NT5C1B: variants seen among roughly 807,000 people sequenced by gnomAD.
The protein encoded by NT5C1B is 5'-nucleotidase, cytosolic IB.
Under a neutral mutation model 57.8 loss-of-function variants are expected in NT5C1B, and 44 were observed. That is an observed-to-expected ratio of 0.76 (90% CI 0.60 to 0.98). NT5C1B has a LOEUF of 0.98. NT5C1B is among the 50% of genes least tolerant of loss of function. The probability of loss-of-function intolerance (pLI) is 0.00; values close to 1 mark genes in which losing one functional copy is unlikely to be tolerated. For missense variants in NT5C1B, 742 were observed against 719.5 expected (o/e 1.03, Z -0.36); for synonymous variants, 284 against 282.6 (o/e 1.00, Z -0.05).
intron 3 of NT5C1B, 45 bp downstream of exon 3, chr2:18,586,206 ATTG>A: frequency 6.3e-7 from 1 of 1,597,104 alleles, no homozygotes; most frequent in African/African-American, 1.3e-5. Flanking sequence ...AATGTTAACC[ATTG>A]TTATTATTCT....
At chr2:18,577,945 C>G (rs985252569) in intron 6 of NT5C1B, among the ~76,000 whole-genome samples, 2 of 152,096 alleles carry the variant, frequency 1.3e-5, no homozygotes, top group African/African-American at 4.8e-5. Flanking sequence ...ACCAACCCCA[C>G]AGAAATAGTA....
chr2:18,589,052 T>C (rs182863520), intron 1 of NT5C1B, among the ~76,000 whole-genome samples: 1,547 of 152,332 alleles, frequency 0.01, 13 homozygotes, highest in Non-Finnish European at 0.017. Context: ...TTGTGTCTTT[T>C]GTACATACTT....
rs766559207 is a variant in NT5C1B, at chr2:18,587,530, G to T, written c.93C>A (p.Asp31Glu). Residue 31 changes from aspartate to glutamate, a missense_variant, in exon 2 of 9, where the codon GAC becomes GAA. Physicochemically the swap from Asp to Glu is conservative, Grantham distance 45 (BLOSUM62 2). Coordinates refer to ENST00000304081, the Ensembl canonical transcript of NT5C1B. The stretch of plus-strand genomic sequence containing the variant: ...GATTGCTCAGACGAACTCCTGTTTT[G>T]TCAGATTCCTTTCTTTTTTCTGCTT... The T allele has an allele frequency of 4.1e-5, 66 of 1,613,774 alleles. No homozygotes were observed. In the South Asian group the frequency reaches 7.1e-4, roughly 17 times the overall value.
intron 1 of NT5C1B, among the ~76,000 whole-genome samples, chr2:18,588,651 G>C (rs1342732359): frequency 2.0e-5 from 3 of 152,008 alleles, no homozygotes; most frequent in African/African-American, 7.3e-5. Context: ...CCTTGTTCCA[G>C]GTCTCTGACC....
chr2:18,576,195 G>A (rs1188549064), exon 8 of NT5C1B: 3 of 1,611,132 alleles, frequency 1.9e-6, no homozygotes, highest in Admixed American at 3.4e-5. Context: ...TGAGCAAGAG[G>A]CTTACTTTCA....
chr2:18,578,931 T>C (rs1300092362), intron 6 of NT5C1B, among the ~76,000 whole-genome samples: 1 of 152,146 alleles, frequency 6.6e-6, no homozygotes, highest in East Asian at 1.9e-4. Context: ...GCTCTGATAA[T>C]AACTTCAGCA....
chr2:18,584,816 G>C lies in NT5C1B; in HGVS notation c.421C>G (p.Pro141Ala). 1 of 1,612,828 alleles carries C rather than the reference G, an allele frequency of 6.2e-7. No homozygotes were observed. Residue 141 changes from proline to alanine, a missense_variant, in exon 4 of 9, where the codon CCT (proline) becomes GCT (alanine). Pro to Ala is a conservative substitution (Grantham distance 27). Coordinates refer to ENST00000304081, the Ensembl canonical transcript of NT5C1B. The surrounding 1 kb of genome is among the most constrained non-coding windows in gnomAD (Gnocchi z 5.8). ...ATTTTGGTGCTGCGCCGGGAGCCAG[G>C]ATCGGGCTCTGGGGGCGTGGGAGGC... is the stretch of plus-strand genomic sequence containing the variant.
At chr2:18,573,799 C>T (rs1366316293) in intron 8 of NT5C1B, among the ~76,000 whole-genome samples, 1 of 152,044 alleles carries the variant, frequency 6.6e-6, no homozygotes, top group African/African-American at 2.4e-5. Context: ...TATGGAAAAT[C>T]ATCTTTTTCA....
chr2:18,585,947 A>G (rs1030878326), intron 3 of NT5C1B, among the ~76,000 whole-genome samples: 2 of 152,028 alleles, frequency 1.3e-5, no homozygotes, highest in Non-Finnish European at 2.9e-5. Flanking sequence ...TCTGAGAATC[A>G]CAGTTAATTA....
At chr2:18,563,962 C>A (rs200342649) in exon 9 of NT5C1B, 2 of 1,614,208 alleles carry the variant, frequency 1.2e-6, no homozygotes, top group East Asian at 2.2e-5. Context: ...TATCTCTAGA[C>A]CCCAGCGTCG....
chr2:18,585,087 C>T (rs1572380393), intron 3 of NT5C1B, 109 bp from the exon 4 acceptor site: 1 of 1,415,126 alleles, frequency 7.1e-7, no homozygotes, highest in Non-Finnish European at 9.9e-7. Context: ...GGTGCTGGTT[C>T]ATCTCAGCTC....
chr2:18,563,801 TACTGAATTTTTTATTAAAGCCATA>T, exon 9 of NT5C1B: 1 of 1,548,308 alleles, frequency 6.5e-7, no homozygotes, highest in Non-Finnish European at 8.7e-7. Context: ...TGCCCCTAAC[TACTGAATTTTTTATTAAAGCCATA>T]AGCTGCGATG....
Position 18,584,423 on chromosome 2 carries a change from G to A in NT5C1B, c.723+91C>T. ...CCCCGAAGTTTGGGGAGGAGAAGCG[G>A]GAGGACCTCCCTGCGCAGTGGAGAG... On this transcript the variant is annotated intron_variant, in intron 4 of 8. Transcript: ENST00000304081. The surrounding 1 kb of genome is among the most constrained non-coding windows in gnomAD (Gnocchi z 5.8). 1.3e-6 allele frequency: 2 copies of A among 1,530,858 alleles called. No homozygotes were observed. Among genetic ancestry groups the A allele is most frequent in the Admixed American group, 2.0e-5 (1 of 49,162 alleles). 94.8% of individuals were successfully genotyped at this position (1,530,858 alleles called of 1,614,324 possible). A position where few individuals can be genotyped will look rare whatever the true frequency, so the allele number is the denominator to read the frequency against.
intron 5 of NT5C1B, 44 bp from the exon 6 acceptor site, chr2:18,583,041 G>A (rs1382853342): frequency 6.3e-7 from 1 of 1,591,436 alleles, no homozygotes; most frequent in Non-Finnish European, 8.6e-7. Context: ...GGGCAGGCAG[G>A]GTGGATCTGG....
At chr2:18,571,570 A>T (rs1336452807) in intron 8 of NT5C1B, among the ~76,000 whole-genome samples, 1 of 151,572 alleles carries the variant, frequency 6.6e-6, no homozygotes, top group Non-Finnish European at 1.5e-5. Flanking sequence ...TATTGTTAAG[A>T]TATCTATTAT....
exon 3 of NT5C1B, chr2:18,586,306 G>T (rs1300398968): frequency 1.2e-6 from 2 of 1,614,020 alleles, no homozygotes; most frequent in African/African-American, 1.3e-5. Flanking sequence ...AGCCTTGGTG[G>T]ATGGGCTCCG....
At position 18,574,547 on chromosome 2, in the gene NT5C1B, A is replaced by T. The variant is rs552229238; in HGVS notation, c.1329+1637T>A. On this transcript the variant is annotated intron_variant, in intron 8 of 8. Coordinates refer to ENST00000304081, the Ensembl canonical transcript of NT5C1B. ...TGTAAACTGCAGCATTTACTACAGC[A>T]TTATTCACAATGGCCAATATTTGGA... is the stretch of plus-strand genomic sequence containing the variant. 7.2e-5 allele frequency among the ~76,000 whole-genome samples: 11 copies of T among 152,266 alleles called. No individual in the cohort carries two copies. The South Asian group carries it at 2.1e-3, about 29-fold the overall frequency.
chr2:18,586,508 C>G, intron 2 of NT5C1B, 117 bp from the exon 3 acceptor site: 11 of 1,467,676 alleles, frequency 7.5e-6, no homozygotes, highest in Non-Finnish European at 9.1e-6. Context: ...GAGAAGATCC[C>G]TGGCCTCAAT....
intron 6 of NT5C1B, among the ~76,000 whole-genome samples, chr2:18,579,063 A>T (rs2148140488): frequency 6.6e-6 from 1 of 152,308 alleles, no homozygotes; most frequent in South Asian, 2.1e-4. Context: ...AAAATAAAAT[A>T]CCTAGGAATA....
Sources: allele counts gnomAD v4.1 joint callset (sites outside exome capture counted in the v4.1 genomes callset), GRCh38; gene constraint gnomAD v4.1.1; non-coding constraint Gnocchi (gnomAD v3.1); transcripts MANE v1.5; gene names NCBI Gene and HGNC (gene_info 2026-07-23, HGNC 2026-07-21).